Variants in PPP1R9A observed in about 807,000 individuals in gnomAD.
PPP1R9A encodes protein phosphatase 1 regulatory subunit 9A, also known as neurabin-1.
Under a neutral mutation model 141.9 loss-of-function variants are expected in PPP1R9A, and 59 were observed. The observed-to-expected ratio is 0.42, with a 90% CI of 0.34 to 0.52. PPP1R9A has a LOEUF of 0.52. Among genes scored for constraint, PPP1R9A ranks in the 20% least tolerant of loss-of-function variants. The pLI is 0.10. For missense variants in PPP1R9A, 1,444 were observed against 1,611.9 expected (o/e 0.90, Z 1.78); for synonymous variants, 500 against 569.7 (o/e 0.88, Z 1.74).
chr7:95,139,768 C>T (rs909838567), intron 4 of PPP1R9A, among the ~76,000 whole-genome samples: 12 of 146,334 alleles, frequency 8.2e-5, no homozygotes, highest in African/African-American at 2.8e-4. Context: ...CATGTGGGAG[C>T]TGTAGTTCAT....
chr7:95,113,952 A>G lies in PPP1R9A; in HGVS notation c.1528+2561A>G, dbSNP rs545967806. ...ACATGACTGATGGATTACTCCTGTT[A>G]AAAGACACTTTCATTTGGAGTTAAA... On this transcript the variant is annotated intron_variant, in intron 3 of 19. Coordinates refer to ENST00000433360, the MANE Select transcript of PPP1R9A (RefSeq NM_001166160.2). 2.0e-5 allele frequency among the ~76,000 whole-genome samples: 3 copies of G among 152,360 alleles called. No homozygotes were observed. In the East Asian group the frequency reaches 5.8e-4, roughly 29 times the overall value.
intron 16 of PPP1R9A, among the ~76,000 whole-genome samples, chr7:95,276,917 G>A (rs1803317678): frequency 6.6e-6 from 1 of 152,130 alleles, no homozygotes; most frequent in Non-Finnish European, 1.5e-5. Context: ...CCTATCCCAG[G>A]AAGAACAGAA....
At chr7:95,149,929 G>T (rs1828346957) in intron 4 of PPP1R9A, among the ~76,000 whole-genome samples, 1 of 151,920 alleles carries the variant, frequency 6.6e-6, no homozygotes, top group African/African-American at 2.4e-5. Context: ...AAAGTTGGAG[G>T]AGTGACATTA....
intron 2 of PPP1R9A, among the ~76,000 whole-genome samples, chr7:94,959,083 A>G (rs1054761898): frequency 1.3e-5 from 2 of 151,994 alleles, no homozygotes; most frequent in Non-Finnish European, 2.9e-5. Flanking sequence ...ATGTAAATGA[A>G]AAAGCACAAA....
At chr7:94,911,544 GT>G in intron 2 of PPP1R9A, 36 bp downstream of exon 2, 1 of 1,514,280 alleles carries the variant, frequency 6.6e-7, no homozygotes, top group African/African-American at 1.4e-5. Flanking sequence ...TTCTAAATTT[GT>G]TTTTAGTACT....
At chr7:95,251,437 A>G (rs1798861397) in intron 10 of PPP1R9A, among the ~76,000 whole-genome samples, 2 of 152,198 alleles carry the variant, frequency 1.3e-5, no homozygotes, top group Non-Finnish European at 2.9e-5. Flanking sequence ...AATTATTTCT[A>G]CCTGACAAGT....
chr7:94,976,936 A>G (rs549827426), intron 2 of PPP1R9A, among the ~76,000 whole-genome samples: 2 of 152,258 alleles, frequency 1.3e-5, no homozygotes, highest in East Asian at 3.9e-4. Context: ...ATAAATGAGA[A>G]TTGAATAAGT....
chr7:95,111,288 T>C lies in PPP1R9A; in HGVS notation c.1425T>C (p.Tyr475=), dbSNP rs1820521783. 2 of 1,612,982 alleles carry C rather than the reference T, an allele frequency of 1.2e-6. No individual in the cohort carries two copies. Among genetic ancestry groups the C allele is most frequent in the Non-Finnish European group, 8.5e-7 (1 of 1,179,198 alleles). The change falls in exon 3 of 20, where the codon TAT becomes TAC. Residue 475 remains tyrosine, a synonymous_variant. Coordinates refer to ENST00000433360, the MANE Select transcript of PPP1R9A (RefSeq NM_001166160.2). Reference sequence around the variant, plus strand: ...TCAACACATACTCCAATGAAGACTATGACAGGAGAAATGACGAAGTTGACC... The same window carrying C: ...TCAACACATACTCCAATGAAGACTACGACAGGAGAAATGACGAAGTTGACC... The part of the protein sequence containing the change: ...KVFNTYSNED[Y]DRRNDEVDPV...
Position 95,231,765 on chromosome 7 carries a change from G to A in PPP1R9A, c.2112+5649G>A, listed in dbSNP as rs896881981. ...AGCGGTGCTAAGAGGAAAGTTTATA[G>A]CATTAAATAACTACATCAAAAAGTC... On this transcript the variant is annotated intron_variant, in intron 8 of 19. Coordinates refer to ENST00000433360, the MANE Select transcript of PPP1R9A (RefSeq NM_001166160.2). 8.5e-5 allele frequency among the ~76,000 whole-genome samples: 13 copies of A among 152,048 alleles called. No homozygotes were observed. The East Asian group carries it at 2.5e-3, about 29-fold the overall frequency.
chr7:95,156,901 TG>T (rs1361880225), intron 4 of PPP1R9A: 2 of 152,606 alleles, frequency 1.3e-5, no homozygotes, highest in African/African-American at 2.4e-5. Flanking sequence ...TCTCTGCAGC[TG>T]GTCATCCATC....
chr7:95,023,943 G>A (rs568966608), intron 2 of PPP1R9A, among the ~76,000 whole-genome samples: 3 of 152,132 alleles, frequency 2.0e-5, no homozygotes, highest in Non-Finnish European at 4.4e-5. Context: ...AGTTTCTCTC[G>A]AAACACTGCT....
chr7:95,295,624 C>T lies in PPP1R9A; in HGVS notation c.*5321C>T, dbSNP rs1023451617. The T allele has an allele frequency of 6.6e-6, 1 of 152,322 alleles. No homozygotes were observed. The highest frequency in any genetic ancestry group is 6.5e-5 in the Admixed American group (1 of 15,294). 9.4% of individuals were successfully genotyped at this position (152,322 alleles called of 1,614,324 possible). ...GCATTTTGGTTGTTGCCAAAAACAA[C>T]ACAAGTGGTTGGGAGTGTATGTTGT... is the stretch of plus-strand genomic sequence containing the variant. On this transcript the variant is annotated 3_prime_UTR_variant, in exon 20 of 20. Transcript: ENST00000433360.
At chr7:95,230,888 A>G (rs2152963138) in intron 8 of PPP1R9A, among the ~76,000 whole-genome samples, 1 of 152,320 alleles carries the variant, frequency 6.6e-6, no homozygotes, top group Non-Finnish European at 1.5e-5. Flanking sequence ...CACAATGAGT[A>G]GAATAGTACC....
chr7:95,015,849 A>G (rs1805028563), intron 2 of PPP1R9A, among the ~76,000 whole-genome samples: 1 of 152,052 alleles, frequency 6.6e-6, no homozygotes, highest in Admixed American at 6.6e-5. Context: ...CAGGAGTTTA[A>G]TAATATCCTG....
chr7:95,104,155 T>G (rs1819194025), intron 2 of PPP1R9A, among the ~76,000 whole-genome samples: 1 of 152,178 alleles, frequency 6.6e-6, no homozygotes, highest in African/African-American at 2.4e-5. Context: ...TTAGAAATAT[T>G]TTATGTAACT....
chr7:95,020,872 C>T (rs948060346), intron 2 of PPP1R9A, among the ~76,000 whole-genome samples: 1 of 152,184 alleles, frequency 6.6e-6, no homozygotes, highest in Admixed American at 6.5e-5. Context: ...TCCAGTCTGT[C>T]ATTGCTGGGC....
chr7:95,277,869 G>A (rs1390067924), intron 16 of PPP1R9A, among the ~76,000 whole-genome samples: 3 of 152,230 alleles, frequency 2.0e-5, no homozygotes, highest in Admixed American at 2.0e-4. Context: ...AGCCACTGAT[G>A]TCAGTGGAGC....
intron 2 of PPP1R9A, among the ~76,000 whole-genome samples, chr7:94,916,214 G>A (rs1792059593): frequency 6.6e-6 from 1 of 152,088 alleles, no homozygotes; most frequent in Non-Finnish European, 1.5e-5. Context: ...CACTTCTTAA[G>A]TGTTTCATCC....
intron 2 of PPP1R9A, among the ~76,000 whole-genome samples, chr7:95,031,304 A>C (rs1751476891): frequency 6.6e-6 from 1 of 152,222 alleles, no homozygotes; most frequent in Admixed American, 6.5e-5. Flanking sequence ...ATTTTTAGGA[A>C]GGTATACAGA....
Sources: allele counts gnomAD v4.1 joint callset (sites outside exome capture counted in the v4.1 genomes callset), GRCh38; gene constraint gnomAD v4.1.1; transcripts MANE v1.5; gene names NCBI Gene and HGNC (gene_info 2026-07-23, HGNC 2026-07-21).